Variants in ADAMTSL1 observed in about 807,000 individuals in gnomAD.
The protein encoded by ADAMTSL1 is ADAMTS-like protein 1.
A neutral mutation model predicts 201.8 loss-of-function variants in ADAMTSL1; 126 were observed. The observed-to-expected ratio is 0.62, with a 90% CI of 0.54 to 0.72. The LOEUF (loss-of-function observed/expected upper bound fraction) is 0.72. Ranked by LOEUF, ADAMTSL1 falls within the 30% of genes least tolerant of loss-of-function variation. ADAMTSL1 has a pLI of 0.00. For synonymous variants in ADAMTSL1, 1,121 were observed against 903.4 expected (o/e 1.24, Z -4.32); for missense variants, 2,679 against 2,277.8 (o/e 1.18, Z -3.59).
Position 18,148,953 on chromosome 9 carries a change from C to G in ADAMTSL1, c.88-14909C>G, listed in dbSNP as rs73645729. ...CACTTTAGTGTTTTTGTTTTAACCT[C>G]TAAAAGGAAAAATCTTCTAGACTTA... On this transcript the variant is annotated intron_variant, in intron 1 of 29. Coordinates refer to the ADAMTSL1 transcript ENST00000680146. 2.6e-3 allele frequency among the ~76,000 whole-genome samples: 393 copies of G among 152,134 alleles called. 1 individual carries two copies. The highest frequency in any genetic ancestry group is 9.0e-3 in the African/African-American group (376 of 41,550).
intron 19 of ADAMTSL1, among the ~76,000 whole-genome samples, chr9:18,780,356 G>T (rs1821322768): frequency 6.6e-6 from 1 of 152,192 alleles, no homozygotes; most frequent in African/African-American, 2.4e-5. Flanking sequence ...CTCATATGCT[G>T]ATGGGAGAAC....
intron 1 of ADAMTSL1, among the ~76,000 whole-genome samples, chr9:17,916,912 A>G (rs577840775): frequency 2.0e-5 from 3 of 152,310 alleles, no homozygotes; most frequent in Middle Eastern, 3.4e-3. Flanking sequence ...ACTCATGAAC[A>G]TGAAAACCTC....
At chr9:18,253,794 T>C (rs548301380) in intron 2 of ADAMTSL1, among the ~76,000 whole-genome samples, 1 of 152,170 alleles carries the variant, frequency 6.6e-6, no homozygotes, top group Non-Finnish European at 1.5e-5. Flanking sequence ...GATCTCCCCT[T>C]AAATAACAAT....
intron 1 of ADAMTSL1, among the ~76,000 whole-genome samples, chr9:18,485,957 G>A (rs962087853): frequency 6.6e-6 from 1 of 152,196 alleles, no homozygotes; most frequent in Admixed American, 6.5e-5. Context: ...ACAAAGAAGC[G>A]TAAACATCCA....
At chr9:18,205,869 C>T (rs971105985) in intron 2 of ADAMTSL1, among the ~76,000 whole-genome samples, 1 of 151,732 alleles carries the variant, frequency 6.6e-6, no homozygotes. Flanking sequence ...GCCTGGGCAA[C>T]ATGGTGAAAC....
At chr9:18,730,398 T>C (rs1818141033) in intron 15 of ADAMTSL1, among the ~76,000 whole-genome samples, 1 of 152,248 alleles carries the variant, frequency 6.6e-6, no homozygotes, top group South Asian at 2.1e-4. Flanking sequence ...GCCGATACAG[T>C]TCAGGAACAG....
chr9:18,420,752 T>C (rs1818908273), intron 2 of ADAMTSL1, among the ~76,000 whole-genome samples: 1 of 152,198 alleles, frequency 6.6e-6, no homozygotes, highest in Non-Finnish European at 1.5e-5. Context: ...AATGGGGGAA[T>C]GAAATCCTTC....
At chr9:18,613,999 A>G (rs1825550074) in intron 4 of ADAMTSL1, among the ~76,000 whole-genome samples, 1 of 152,238 alleles carries the variant, frequency 6.6e-6, no homozygotes, top group Non-Finnish European at 1.5e-5. Context: ...TCAAAGAGTC[A>G]GACAACTGCC....
chr9:18,579,875 G>T (rs1822985979), intron 4 of ADAMTSL1, among the ~76,000 whole-genome samples: 1 of 152,162 alleles, frequency 6.6e-6, no homozygotes, highest in Admixed American at 6.5e-5. Context: ...TTGTTGTAAA[G>T]CACAAAGCCG....
intron 2 of ADAMTSL1, among the ~76,000 whole-genome samples, chr9:18,350,991 G>T (rs1835940700): frequency 6.6e-6 from 1 of 152,132 alleles, no homozygotes; most frequent in South Asian, 2.1e-4. Context: ...GGAGCTTTTA[G>T]CTATGGAGAA....
At chr9:18,152,751 T>A (rs1826973421) in intron 1 of ADAMTSL1, among the ~76,000 whole-genome samples, 1 of 151,160 alleles carries the variant, frequency 6.6e-6, no homozygotes, top group South Asian at 2.1e-4. Flanking sequence ...ATGACAGAAG[T>A]CAGAATGTAA....
chr9:18,568,997 G>GT lies in ADAMTSL1; in HGVS notation c.238-5033_238-5032insT, dbSNP rs1365788615. On this transcript the variant is annotated intron_variant, in intron 3 of 28. Transcript: ENST00000380548. ...ATAAAGAAAAATTAATGCTTCTCCT[G>GT]ACCCTGAATCTACATTATGTATATT... Among the ~76,000 whole-genome samples the GT allele has an allele frequency of 3.9e-4, 60 of 152,242 alleles. No individual in the cohort carries two copies. In the East Asian group the frequency reaches 0.011, roughly 29 times the overall value.
At chr9:18,622,704 G>A in intron 5 of ADAMTSL1, 2 of 435,314 alleles carry the variant, frequency 4.6e-6, no homozygotes, top group Non-Finnish European at 8.1e-6. Flanking sequence ...AGTGTGCTAT[G>A]CCTGGTGGAA....
rs142651181 is a variant in ADAMTSL1, at chr9:18,421,019, G to A, written c.208-83810G>A. On this transcript the variant is annotated intron_variant, in intron 2 of 29. Transcript: ENST00000680146. The stretch of plus-strand genomic sequence containing the variant: ...AGAGGCTGAGGAAGAATTCAGATTG[G>A]GCAGACTGGGACTGGAACGTCATCA... 1.6e-4 allele frequency among the ~76,000 whole-genome samples: 24 copies of A among 152,182 alleles called. No individual in the cohort carries two copies. The East Asian group carries it at 3.1e-3, about 20-fold the overall frequency.
intron 2 of ADAMTSL1, among the ~76,000 whole-genome samples, chr9:18,367,299 T>C (rs1225855652): frequency 6.6e-6 from 1 of 152,096 alleles, no homozygotes; most frequent in Non-Finnish European, 1.5e-5. Flanking sequence ...TTTTCACTTA[T>C]AATGGACCAT....
intron 26 of ADAMTSL1, among the ~76,000 whole-genome samples, chr9:18,904,442 C>G (rs1830177437): frequency 6.6e-6 from 1 of 151,700 alleles, no homozygotes; most frequent in South Asian, 2.1e-4. Flanking sequence ...GCACTCTAGC[C>G]TGGTGACAGT....
intron 1 of ADAMTSL1, among the ~76,000 whole-genome samples, chr9:18,078,095 A>G (rs181334495): frequency 8.9e-4 from 135 of 152,356 alleles, no homozygotes; most frequent in African/African-American, 3.2e-3. Context: ...TGCTACACAG[A>G]TAAAAGTAGT....
chr9:18,085,869 A>C (rs1383952490), intron 1 of ADAMTSL1, among the ~76,000 whole-genome samples: 1 of 151,938 alleles, frequency 6.6e-6, no homozygotes, highest in Non-Finnish European at 1.5e-5. Context: ...TATAGCAGGA[A>C]CAAGGATAGG....
intron 23 of ADAMTSL1, among the ~76,000 whole-genome samples, chr9:18,835,478 C>G (rs1825257095): frequency 6.6e-6 from 1 of 152,084 alleles, no homozygotes; most frequent in Non-Finnish European, 1.5e-5. Context: ...TGATGAGGCT[C>G]AACTTACCCT....
Sources: allele counts gnomAD v4.1 joint callset (sites outside exome capture counted in the v4.1 genomes callset), GRCh38; gene constraint gnomAD v4.1.1; transcripts MANE v1.5; gene names NCBI Gene and HGNC (gene_info 2026-07-23, HGNC 2026-07-21).